Variants in DNAJB14 observed in about 807,000 individuals in gnomAD.
DNAJB14 encodes the protein dnaJ homolog subfamily B member 14.
DNAJB14 carries 22 observed loss-of-function variants against 48.4 expected under a neutral mutation model. That is an observed-to-expected ratio of 0.45 (90% CI 0.32 to 0.65). The LOEUF is 0.65. DNAJB14 is among the 30% of genes least tolerant of loss of function. DNAJB14 has a pLI of 0.03. For missense variants in DNAJB14, 319 were observed against 458.8 expected, an observed-to-expected ratio of 0.70 and a Z score of 2.78; for synonymous variants, 142 against 158.7, an observed-to-expected ratio of 0.89 and a Z score of 0.79.
At position 99,905,987 on chromosome 4, in the gene DNAJB14, C is replaced by A. The variant is rs553478837; in HGVS notation, c.733-281G>T. The A allele has an allele frequency of 5.5e-4, 707 of 1,291,454 alleles. 12 individuals carry two copies. In the South Asian group the frequency reaches 8.5e-3, roughly 16 times the overall value. The allele number at this position is 1,291,454 out of a possible 1,614,324, so 80.0% of individuals were successfully genotyped here. A position where few individuals can be genotyped will look rare whatever the true frequency, so the allele number is the denominator to read the frequency against. On this transcript the variant is annotated intron_variant, in intron 5 of 7. Transcript: ENST00000442697. ...TTCTCTTTCCCGACTCCCTCCCCCC[C>A]ACACACAGAGACGCTATCAATATGC... is the stretch of plus-strand genomic sequence containing the variant.
Position 99,900,708 on chromosome 4 carries a change from T to A in DNAJB14, c.*320A>T. 1 of 190,034 alleles carries A rather than the reference T, an allele frequency of 5.3e-6. No individual in the cohort carries two copies. The highest frequency in any genetic ancestry group is 1.3e-4 in the East Asian group (1 of 7,578). The allele number at this position is 190,034 out of a possible 1,614,324, so 11.8% of individuals were successfully genotyped here. On this transcript the variant is annotated 3_prime_UTR_variant, in exon 8 of 8. Transcript: ENST00000442697. ...AATGATCATTCCATAAATATTTACA[T>A]GACAAGGGAAAAAATGGAGAATCAC...
In DNAJB14 at chr4:99,899,182, G is replaced by C. The variant is rs2110188507; in HGVS notation, c.*1846C>G. 1 of 151,722 alleles carries C rather than the reference G, an allele frequency of 6.6e-6. No homozygotes were observed. The highest frequency in any genetic ancestry group is 2.4e-5 in the African/African-American group (1 of 41,416). The allele number at this position is 151,722 out of a possible 1,614,324, so 9.4% of individuals were successfully genotyped here. A position where few individuals can be genotyped will look rare whatever the true frequency, so the allele number is the denominator to read the frequency against. ...GGGAAAAAGAATCAGTCAACAAGAA[G>C]GTAAGTTCACAGAATTATCAGCCAT... is the stretch of plus-strand genomic sequence containing the variant. On this transcript the variant is annotated 3_prime_UTR_variant, in exon 8 of 8. Coordinates refer to ENST00000442697, the MANE Select transcript of DNAJB14 (RefSeq NM_001031723.4).
chr4:99,906,065 C>A (rs577471914), intron 5 of DNAJB14: 1 of 1,316,844 alleles, frequency 7.6e-7, no homozygotes, highest in African/African-American at 1.5e-5. Context: ...AAGATGGGAG[C>A]TGATGAGTGG....
intron 1 of DNAJB14, among the ~76,000 whole-genome samples, chr4:99,946,106 G>C (rs947578262): frequency 1.3e-5 from 2 of 152,256 alleles, no homozygotes; most frequent in Non-Finnish European, 2.9e-5. Context: ...AAACAACACA[G>C]ATACAAATAA....
intron 1 of DNAJB14, among the ~76,000 whole-genome samples, chr4:99,936,623 A>G (rs1726686011): frequency 6.6e-6 from 1 of 152,226 alleles, no homozygotes; most frequent in African/African-American, 2.4e-5. Context: ...TTGGAGAACT[A>G]GCTGATTCCT....
At chr4:99,914,929 T>A (rs1329209573) in intron 3 of DNAJB14, among the ~76,000 whole-genome samples, 2 of 152,216 alleles carry the variant, frequency 1.3e-5, no homozygotes, top group Non-Finnish European at 2.9e-5. Flanking sequence ...GGTCAGTCTT[T>A]CAATTTTATT....
At chr4:99,915,102 G>A (rs919951610) in intron 3 of DNAJB14, among the ~76,000 whole-genome samples, 3 of 152,026 alleles carry the variant, frequency 2.0e-5, no homozygotes, top group Non-Finnish European at 4.4e-5. Flanking sequence ...CTGATTTGAG[G>A]CTGTTCTTCT....
chr4:99,933,853 A>G (rs748174803), intron 1 of DNAJB14, among the ~76,000 whole-genome samples: 2 of 152,212 alleles, frequency 1.3e-5, no homozygotes, highest in African/African-American at 2.4e-5. Context: ...TGGGCAGTGG[A>G]GTATAATACA....
chr4:99,906,185 C>A, intron 5 of DNAJB14: 1 of 1,331,872 alleles, frequency 7.5e-7, no homozygotes, highest in East Asian at 4.5e-5. Context: ...TGCATTAGAA[C>A]AAGGAAAGTT....
At chr4:99,931,796 C>CA (rs1726479919) in intron 1 of DNAJB14, among the ~76,000 whole-genome samples, 2 of 149,414 alleles carry the variant, frequency 1.3e-5, no homozygotes, top group East Asian at 2.0e-4. Flanking sequence ...AAATCAGTTA[C>CA]AAAAAATGTA....
rs1725375011 is a variant in DNAJB14, at chr4:99,903,783, C to T, written c.958G>A (p.Val320Met). ...GMLLQKVEKS[V>M]EEDYVTNIRN... is the part of the protein sequence containing the mutation. ...ATATTAGTCACATAATCTTCCTCCA[C>T]ACTCTTTTCTACCTTTTGTAATAAC... is the stretch of plus-strand genomic sequence containing the variant. The change falls in exon 7 of 8, where the codon GTG (valine) becomes ATG (methionine). Residue 320 changes from valine (V) to methionine (M), a missense_variant. By Grantham distance (21) the Val-to-Met change is conservative. Transcript: ENST00000442697. 3 of 1,612,750 alleles carry T rather than the reference C, an allele frequency of 1.9e-6. No homozygotes were observed. Among genetic ancestry groups the T allele is most frequent in the East Asian group, 2.2e-5 (1 of 44,762 alleles).
intron 5 of DNAJB14, chr4:99,905,987 C>T (rs553478837): frequency 7.0e-5 from 91 of 1,291,458 alleles, no homozygotes; most frequent in South Asian, 2.7e-4. Flanking sequence ...CCCTCCCCCC[C>T]ACACACAGAG....
intron 4 of DNAJB14, among the ~76,000 whole-genome samples, chr4:99,908,000 A>G (rs1725526617): frequency 6.6e-6 from 1 of 152,204 alleles, no homozygotes. Flanking sequence ...ACTGTTGTTT[A>G]TATCAATTAG....
Position 99,924,540 on chromosome 4 carries a change from C to T in DNAJB14, c.306-1355G>A, listed in dbSNP as rs1049512317. 1.7e-5 allele frequency: 8 copies of T among 467,140 alleles called. No homozygotes were observed. In the Admixed American group the frequency reaches 3.4e-4, roughly 20 times the overall value. The allele number at this position is 467,140 out of a possible 1,614,324, so 28.9% of individuals were successfully genotyped here. On this transcript the variant is annotated intron_variant, in intron 2 of 7. Coordinates refer to ENST00000442697, the MANE Select transcript of DNAJB14 (RefSeq NM_001031723.4). ...TACTTTAGATACTTAAAAACATTAA[C>T]ATACATCAATTTTATTCCAAAAACA... is the stretch of plus-strand genomic sequence containing the variant.
chr4:99,920,793 A>G (rs1726026806), intron 3 of DNAJB14, among the ~76,000 whole-genome samples: 1 of 152,198 alleles, frequency 6.6e-6, no homozygotes, highest in African/African-American at 2.4e-5. Context: ...TCTTCATTTA[A>G]TTACTAATTA....
intron 1 of DNAJB14, among the ~76,000 whole-genome samples, chr4:99,945,824 T>C (rs538388866): frequency 6.6e-6 from 1 of 152,346 alleles, no homozygotes; most frequent in Non-Finnish European, 1.5e-5. Context: ...GGTTCGTCGA[T>C]AATCATGGTG....
At chr4:99,929,450 T>C (rs560067173) in intron 2 of DNAJB14, 1 of 152,188 alleles carries the variant, frequency 6.6e-6, no homozygotes, top group Non-Finnish European at 1.5e-5. Context: ...AATCAAGCTT[T>C]AGCATTTAAA....
chr4:99,934,883 A>C lies in DNAJB14; in HGVS notation c.134-4262T>G, dbSNP rs1271915925. Among the ~76,000 whole-genome samples the C allele has an allele frequency of 4.6e-5, 7 of 150,820 alleles. 1 individual carries two copies. Among genetic ancestry groups the C allele is most frequent in the African/African-American group, 1.7e-4 (7 of 41,328 alleles). ...AACTCAATAAAAAATAAGACATTTT[A>C]AAAAATCAATTAAAAAAAGACTAAA... On this transcript the variant is annotated intron_variant, in intron 1 of 7. Coordinates refer to ENST00000442697, the MANE Select transcript of DNAJB14 (RefSeq NM_001031723.4).
chr4:99,911,802 T>C (rs1029864883), intron 3 of DNAJB14, among the ~76,000 whole-genome samples: 1 of 152,190 alleles, frequency 6.6e-6, no homozygotes, highest in African/African-American at 2.4e-5. Flanking sequence ...ACCTGTCCTT[T>C]GTCAAATACG....
Sources: allele counts gnomAD v4.1 joint callset (sites outside exome capture counted in the v4.1 genomes callset), GRCh38; gene constraint gnomAD v4.1.1; transcripts MANE v1.5; gene names NCBI Gene and HGNC (gene_info 2026-07-23, HGNC 2026-07-21).